Variants in ENPP1 observed in about 807,000 individuals in gnomAD.
ENPP1 encodes the protein ectonucleotide pyrophosphatase/phosphodiesterase family member 1.
In ENPP1, 73 loss-of-function variants were observed where a neutral mutation model predicts 122.8. The ratio of observed to expected loss-of-function variants is 0.59; its 90% CI spans 0.49 to 0.72. The LOEUF is 0.72. ENPP1 is among the 30% of genes least tolerant of loss of function. ENPP1 has a pLI of 0.00. For missense variants in ENPP1, 978 were observed against 1,128.1 expected, an observed-to-expected ratio of 0.87 and a Z score of 1.91; for synonymous variants, 367 against 391.6, an observed-to-expected ratio of 0.94 and a Z score of 0.74.
intron 15 of ENPP1, among the ~76,000 whole-genome samples, chr6:131,873,813 C>CA (rs1175247272): frequency 6.6e-6 from 1 of 151,520 alleles, no homozygotes; most frequent in Non-Finnish European, 1.5e-5. Context: ...TTTTAGTTTT[C>CA]AAAAAATATA....
chr6:131,852,033 ACAC>A, intron 4 of ENPP1, 139 bp from the exon 5 acceptor site: 1 of 612,984 alleles, frequency 1.6e-6, no homozygotes, highest in South Asian at 2.0e-5. Context: ...TATTGATTAT[ACAC>A]CTCCAGAGTC....
In ENPP1 at chr6:131,872,091, G is replaced by A. The variant is rs776045926; in HGVS notation, c.1427G>A (p.Arg476Gln). The change falls in exon 14 of 25, where the codon CGA becomes CAA. Residue 476 changes from arginine to glutamine, a missense_variant. Coordinates refer to ENST00000647893, the MANE Select transcript of ENPP1 (RefSeq NM_006208.3). ...CCAGTTAACTATGAAGGCATTGCCC[G>A]AAATCTTTCTGTGAGTATCTTTATT... ...YYSFNYEGIA[R>Q]NLSCREPNQH... The A allele has an allele frequency of 3.0e-5, 48 of 1,589,166 alleles. No individual in the cohort carries two copies. The East Asian group carries it at 5.4e-4, about 18-fold the overall frequency.
At chr6:131,862,100 C>T (rs1162005211) in intron 9 of ENPP1, among the ~76,000 whole-genome samples, 1 of 151,886 alleles carries the variant, frequency 6.6e-6, no homozygotes, top group Non-Finnish European at 1.5e-5. Flanking sequence ...ACCTGTGAGG[C>T]GGAGGTTGCA....
intron 1 of ENPP1, among the ~76,000 whole-genome samples, chr6:131,821,495 A>G (rs1781484158): frequency 1.3e-5 from 2 of 152,282 alleles, no homozygotes; most frequent in Admixed American, 1.3e-4. Context: ...AAGTAGCCCC[A>G]TTGCTCTTGC....
At chr6:131,824,644 C>T (rs1022745114) in intron 1 of ENPP1, among the ~76,000 whole-genome samples, 6 of 152,028 alleles carry the variant, frequency 3.9e-5, no homozygotes, top group East Asian at 1.9e-4. Flanking sequence ...TTAGTAGAGA[C>T]GGGGTTTCAC....
chr6:131,826,612 C>G, intron 1 of ENPP1: 1 of 978,218 alleles, frequency 1.0e-6, no homozygotes, highest in Admixed American at 1.8e-5. Context: ...CAGGTCACAG[C>G]TGATCAGTTC....
At chr6:131,829,965 G>A (rs7771841) in intron 1 of ENPP1, among the ~76,000 whole-genome samples, 21,317 of 152,148 alleles carry the variant, frequency 0.14, 1,749 homozygotes, top group African/African-American at 0.21. Context: ...AGTCTGGGAA[G>A]TGTAGTAGTC....
intron 1 of ENPP1, among the ~76,000 whole-genome samples, chr6:131,843,646 C>T (rs535471218): frequency 6.7e-6 from 1 of 149,500 alleles, no homozygotes; most frequent in East Asian, 1.9e-4. Flanking sequence ...TTCCCTCTCC[C>T]AGGGCATGTC....
Position 131,842,548 on chromosome 6 carries a change from T to A in ENPP1, c.241-5228T>A, listed in dbSNP as rs534119239. ...ATTGCATCTTGCAGATACTCAAACC[T>A]TTGTTTACTGACAGAGGGAGAGGTC... On this transcript the variant is annotated intron_variant, in intron 1 of 24. Coordinates refer to ENST00000647893, the MANE Select transcript of ENPP1 (RefSeq NM_006208.3). Among the ~76,000 whole-genome samples the A allele has an allele frequency of 2.0e-5, 3 of 152,316 alleles. No individual in the cohort carries two copies. In the South Asian group the frequency reaches 6.2e-4, roughly 32 times the overall value.
chr6:131,870,738 A>T (rs1426467048), intron 13 of ENPP1, among the ~76,000 whole-genome samples: 1 of 152,176 alleles, frequency 6.6e-6, no homozygotes, highest in Non-Finnish European at 1.5e-5. Context: ...TATTTTTTTA[A>T]TTTAGAAAAG....
intron 1 of ENPP1, among the ~76,000 whole-genome samples, chr6:131,812,352 A>T (rs1781365261): frequency 6.6e-6 from 1 of 152,190 alleles, no homozygotes; most frequent in Non-Finnish European, 1.5e-5. Context: ...TCCACTGAGG[A>T]AGATGTCCAC....
chr6:131,861,771 T>C, intron 9 of ENPP1, 67 bp downstream of exon 9: 2 of 898,844 alleles, frequency 2.2e-6, no homozygotes, highest in South Asian at 2.7e-5. Context: ...AATCTCCTTT[T>C]TATTGAATCC....
intron 1 of ENPP1, among the ~76,000 whole-genome samples, chr6:131,846,976 T>C (rs1377248843): frequency 6.6e-6 from 1 of 152,206 alleles, no homozygotes; most frequent in Non-Finnish European, 1.5e-5. Context: ...GAAAGATGTT[T>C]AGAGATCACG....
chr6:131,879,757 T>C, intron 19 of ENPP1, 123 bp from the exon 20 acceptor site: 1 of 878,154 alleles, frequency 1.1e-6, no homozygotes, highest in South Asian at 1.5e-5. Flanking sequence ...AATCAGTTTT[T>C]TTAATAGTTA....
intron 1 of ENPP1, among the ~76,000 whole-genome samples, chr6:131,817,754 T>TACACACACACAC (rs138209749): frequency 0.013 from 1,839 of 146,410 alleles, 19 homozygotes; most frequent in Admixed American, 0.015. Flanking sequence ...TCTCTCTCCA[T>TACACACACACAC]ACACACACAC....
chr6:131,871,776 T>C (rs541946663), intron 13 of ENPP1, among the ~76,000 whole-genome samples: 20 of 152,220 alleles, frequency 1.3e-4, no homozygotes, highest in African/African-American at 4.6e-4. Context: ...GGTGGATGGA[T>C]AGTTAGGTGG....
chr6:131,828,145 G>A (rs9493108), intron 1 of ENPP1: 10,535 of 577,922 alleles, frequency 0.018, 163 homozygotes, highest in Middle Eastern at 0.024. Context: ...TCTGGATTCC[G>A]AGTGGGATCG....
At chr6:131,887,150 G>C (rs1303469412) in intron 24 of ENPP1, among the ~76,000 whole-genome samples, 2 of 151,636 alleles carry the variant, frequency 1.3e-5, no homozygotes, top group African/African-American at 4.8e-5. Context: ...TCTGAGGTAT[G>C]GATTTTCTCT....
intron 6 of ENPP1, among the ~76,000 whole-genome samples, chr6:131,857,769 G>A (rs1264423984): frequency 1.3e-5 from 2 of 152,098 alleles, no homozygotes; most frequent in Non-Finnish European, 1.5e-5. Context: ...CCTGCACAAT[G>A]TGCACATGTA....
Sources: allele counts gnomAD v4.1 joint callset (sites outside exome capture counted in the v4.1 genomes callset), GRCh38; gene constraint gnomAD v4.1.1; transcripts MANE v1.5; gene names NCBI Gene and HGNC (gene_info 2026-07-23, HGNC 2026-07-21).